DLC1: variants seen among roughly 807,000 people sequenced by gnomAD.
DLC1 encodes rho GTPase-activating protein 7.
Under a neutral mutation model 140.3 loss-of-function variants are expected in DLC1, and 54 were observed. The ratio of observed to expected loss-of-function variants is 0.38; its 90% CI spans 0.31 to 0.48. DLC1 has a LOEUF of 0.48. Ranked by LOEUF, DLC1 falls within the 20% of genes least tolerant of loss-of-function variation. The pLI is 0.96. For synonymous variants in DLC1, 986 were observed against 728.1 expected, an observed-to-expected ratio of 1.35 and a Z score of -5.70; for missense variants, 2,536 against 1,907.0, an observed-to-expected ratio of 1.33 and a Z score of -6.14.
At chr8:13,215,429 T>C (rs139620876) in intron 5 of DLC1, among the ~76,000 whole-genome samples, 1 of 152,020 alleles carries the variant, frequency 6.6e-6, no homozygotes, top group East Asian at 1.9e-4. Context: ...CTACTAAAAA[T>C]ACAAAAATTA....
chr8:13,530,445 T>G (rs937403599), intron 1 of DLC1, among the ~76,000 whole-genome samples: 3 of 152,170 alleles, frequency 2.0e-5, no homozygotes, highest in Non-Finnish European at 4.4e-5. Flanking sequence ...GATACTCAGT[T>G]TCTGGTTTTT....
At chr8:13,309,819 G>A (rs546734747) in intron 4 of DLC1, among the ~76,000 whole-genome samples, 341 of 152,196 alleles carry the variant, frequency 2.2e-3, no homozygotes, top group African/African-American at 7.6e-3. Flanking sequence ...CTGAATCCAT[G>A]ACAATTGACA....
At chr8:13,345,891 A>C (rs971375045) in intron 4 of DLC1, among the ~76,000 whole-genome samples, 2 of 152,162 alleles carry the variant, frequency 1.3e-5, no homozygotes, top group Non-Finnish European at 2.9e-5. Flanking sequence ...ACAATTAAGC[A>C]TAAAAAAGGT....
intron 5 of DLC1, among the ~76,000 whole-genome samples, chr8:13,134,300 C>A (rs537577934): frequency 1.3e-5 from 2 of 152,288 alleles, no homozygotes; most frequent in Admixed American, 1.3e-4. Context: ...GACTACTGAA[C>A]TAAACTCATT....
At chr8:13,110,672 C>A in intron 7 of DLC1, 70 bp downstream of exon 7, 1 of 1,415,936 alleles carries the variant, frequency 7.1e-7, no homozygotes, top group South Asian at 1.2e-5. Flanking sequence ...GCAAACAAAG[C>A]CTATCTTTGT....
At position 13,088,623 on chromosome 8, in the gene DLC1, G is replaced by C; in HGVS notation, c.4156C>G (p.Leu1386Val). The C allele has an allele frequency of 1.2e-6, 2 of 1,614,158 alleles. No individual in the cohort carries two copies. The highest frequency in any genetic ancestry group is 1.1e-5 in the South Asian group (1 of 91,080). Residue 1386 changes from leucine (L) to valine (V), a missense_variant, in exon 16 of 18, where the codon CTT becomes GTT. Physicochemically the swap from Leu to Val is conservative, Grantham distance 32. Transcript: ENST00000276297. ...AVPEEILKRL[L>V]KEQHLWDVDL... ...ACATCCCAGAGGTGCTGTTCTTTAA[G>C]TAGGCGCTTTAAGATTTCCTCTGGC...
At chr8:13,268,510 G>A (rs1157606230) in intron 5 of DLC1, among the ~76,000 whole-genome samples, 4 of 152,098 alleles carry the variant, frequency 2.6e-5, no homozygotes, top group East Asian at 1.9e-4. Flanking sequence ...TCAGCTTCCC[G>A]AGTATTTGGG....
intron 4 of DLC1, among the ~76,000 whole-genome samples, chr8:13,326,090 T>C (rs186140531): frequency 6.6e-6 from 1 of 152,228 alleles, no homozygotes; most frequent in South Asian, 2.1e-4. Flanking sequence ...CACTCTATGA[T>C]GTCTGCACAA....
At chr8:13,097,046 A>G (rs1340671771) in intron 10 of DLC1, among the ~76,000 whole-genome samples, 1 of 152,094 alleles carries the variant, frequency 6.6e-6, no homozygotes, top group Non-Finnish European at 1.5e-5. Flanking sequence ...CCTACCCCTC[A>G]CATTCTATAT....
At position 13,539,261 on chromosome 8, in the gene DLC1, G is replaced by A. The variant is rs374160322; in HGVS notation, c.-125-39065C>T. The stretch of plus-strand genomic sequence containing the variant: ...GTTGCCCAGGCTGGAGTGCAGTGGC[G>A]CAATCTCAGCTCACTGCAAGCTCTG... On this transcript the variant is annotated intron_variant, in intron 1 of 1. Coordinates refer to the DLC1 transcript ENST00000631382. Among the ~76,000 whole-genome samples the A allele has an allele frequency of 6.7e-4, 102 of 151,998 alleles. 2 individuals carry two copies. The South Asian group carries it at 0.014, about 21-fold the overall frequency.
chr8:13,241,484 T>A (rs1010303531), intron 5 of DLC1, among the ~76,000 whole-genome samples: 5 of 152,146 alleles, frequency 3.3e-5, no homozygotes, highest in African/African-American at 7.2e-5. Flanking sequence ...TTTTATGTGT[T>A]TGGTATTCTA....
chr8:13,443,357 A>C (rs917059521), intron 2 of DLC1, among the ~76,000 whole-genome samples: 2 of 151,476 alleles, frequency 1.3e-5, no homozygotes, highest in Non-Finnish European at 2.9e-5. Context: ...AAAAAAAAAA[A>C]AAAAAAAACT....
intron 5 of DLC1, among the ~76,000 whole-genome samples, chr8:13,302,531 A>G (rs182992873): frequency 6.6e-6 from 1 of 152,316 alleles, no homozygotes; most frequent in East Asian, 1.9e-4. Flanking sequence ...TACAGCACAC[A>G]CAGAGCAATC....
intron 5 of DLC1, among the ~76,000 whole-genome samples, chr8:13,249,400 C>T (rs1269575048): frequency 1.3e-5 from 2 of 152,084 alleles, no homozygotes; most frequent in Non-Finnish European, 2.9e-5. Flanking sequence ...TTTCAGCAGA[C>T]TGTATTGTCT....
chr8:13,158,751 C>T (rs1317327693), intron 5 of DLC1, among the ~76,000 whole-genome samples: 4 of 121,822 alleles, frequency 3.3e-5, no homozygotes, highest in Non-Finnish European at 7.1e-5. Flanking sequence ...CCCCCCCGCC[C>T]GCCACACATC....
chr8:13,420,933 T>A (rs1369625839), intron 2 of DLC1, among the ~76,000 whole-genome samples: 1 of 152,136 alleles, frequency 6.6e-6, no homozygotes, highest in Non-Finnish European at 1.5e-5. Flanking sequence ...ATTCTGTTTA[T>A]AGGAGAAACA....
chr8:13,393,326 C>T (rs1042039035), intron 4 of DLC1, among the ~76,000 whole-genome samples: 6 of 152,048 alleles, frequency 3.9e-5, no homozygotes, highest in Non-Finnish European at 5.9e-5. Context: ...TAGCACGTTT[C>T]GAATAATTCT....
At chr8:13,121,176 A>G (rs1490076659) in intron 5 of DLC1, among the ~76,000 whole-genome samples, 1 of 152,200 alleles carries the variant, frequency 6.6e-6, no homozygotes, top group African/African-American at 2.4e-5. Flanking sequence ...AAAATTTGAT[A>G]GACATATGGG....
At chr8:13,422,295 A>T (rs534886039) in intron 2 of DLC1, among the ~76,000 whole-genome samples, 1 of 152,310 alleles carries the variant, frequency 6.6e-6, no homozygotes, top group East Asian at 1.9e-4. Context: ...AGCCCATGGT[A>T]GATGAAATGG....
Sources: gnomAD v4.1 joint callset for allele counts (sites outside exome capture counted in the v4.1 genomes callset) on GRCh38, gnomAD v4.1.1 for gene constraint, MANE v1.5 for transcripts, NCBI Gene and HGNC (gene_info 2026-07-23, HGNC 2026-07-21) for gene names.